The following PAPSS2 variants were observed in gnomAD, a reference collection of about 807,000 sequenced individuals.
PAPSS2 encodes the protein bifunctional 3'-phosphoadenosine 5'-phosphosulfate synthase 2.
Under a neutral mutation model 66.5 loss-of-function variants are expected in PAPSS2, and 61 were observed. The ratio of observed to expected loss-of-function variants is 0.92; its 90% CI spans 0.75 to 1.14. The LOEUF (loss-of-function observed/expected upper bound fraction) is 1.14. Ranked by LOEUF, PAPSS2 falls within the 50% of genes most tolerant of loss-of-function variation. PAPSS2 has a pLI of 0.00. For missense variants in PAPSS2, 708 were observed against 789.6 expected, an observed-to-expected ratio of 0.90 and a Z score of 1.24; for synonymous variants, 289 against 287.5, an observed-to-expected ratio of 1.01 and a Z score of -0.05.
intron 1 of PAPSS2, 150 bp from the exon 2 acceptor site, chr10:87,709,046 A>G: frequency 1.8e-6 from 1 of 554,616 alleles, no homozygotes; most frequent in East Asian, 3.2e-5. Flanking sequence ...TAGAATGGAC[A>G]AAGGTGAGTC....
intron 2 of PAPSS2, among the ~76,000 whole-genome samples, chr10:87,710,494 G>A (rs1853450475): frequency 6.6e-6 from 1 of 152,078 alleles, no homozygotes; most frequent in South Asian, 2.1e-4. Flanking sequence ...ATCCCCTCCT[G>A]TTATATGTTT....
In PAPSS2 at chr10:87,701,376, CTTTCTTTCTTTCTTTCTT is replaced by C. The variant is rs1564716801; in HGVS notation, c.28-7818_28-7801del. On this transcript the variant is annotated intron_variant, in intron 1 of 12. Coordinates refer to ENST00000456849, the MANE Select transcript of PAPSS2 (RefSeq NM_001015880.2). ...TCTTTCTTTCTTTCTTTCTTTCTTT[CTTTCTTTCTTTCTTTCTT>C]TCTCTTTCTTTCTCTCTCTCTCTCT... Among the ~76,000 whole-genome samples, 15 of 88,584 alleles carry C rather than the reference CTTTCTTTCTTTCTTTCTT, an allele frequency of 1.7e-4. 1 individual carries two copies. The highest frequency in any genetic ancestry group is 8.7e-4 in the Admixed American group (6 of 6,872). The allele number at this position is 88,584 out of a possible 152,430, so 58.1% of individuals were successfully genotyped here.
intron 1 of PAPSS2, among the ~76,000 whole-genome samples, chr10:87,689,667 C>CAAAAAAA (rs536306316): frequency 6.7e-5 from 5 of 74,626 alleles, no homozygotes; most frequent in Non-Finnish European, 1.2e-4. Flanking sequence ...AACCTTGTCT[C>CAAAAAAA]AAAAAAAAAA....
intron 2 of PAPSS2, among the ~76,000 whole-genome samples, chr10:87,711,460 T>A (rs1853461660): frequency 6.6e-6 from 1 of 152,238 alleles, no homozygotes. Flanking sequence ...GTTATTTCTC[T>A]CATTTTCTGA....
rs1853435911 is a variant in PAPSS2, at chr10:87,709,275, C to T, written c.107C>T (p.Thr36Ile). ...AATAAGAGAGGGCAAGTGGTTGGAA[C>T]AAGGGGTGGGTTCCGAGGATGTACC... ...SRNKRGQVVG[T>I]RGGFRGCTVW... The change falls in exon 2 of 13, where the codon ACA becomes ATA. Residue 36 changes from threonine (T) to isoleucine (I), a missense_variant. Thr to Ile is a moderately conservative substitution (Grantham distance 89). Transcript: ENST00000456849. 1 of 1,612,862 alleles carries T rather than the reference C, an allele frequency of 6.2e-7. No individual in the cohort carries two copies. Among genetic ancestry groups the T allele is most frequent in the East Asian group, 2.2e-5 (1 of 44,860 alleles).
chr10:87,689,032 G>A lies in PAPSS2; in HGVS notation c.28-20164G>A, dbSNP rs190948077. ...AAACAACATTATTCACAAAGTTAAG[G>A]AATAAAGAACCAGGGGTCAGGGCCG... On this transcript the variant is annotated intron_variant, in intron 1 of 12. Transcript: ENST00000456849. Among the ~76,000 whole-genome samples the A allele has an allele frequency of 3.1e-3, 469 of 152,136 alleles. 2 individuals are homozygous for A. The highest frequency in any genetic ancestry group is 4.8e-3 in the Admixed American group (74 of 15,280).
At chr10:87,725,884 TAC>T (rs60791274) in intron 8 of PAPSS2, among the ~76,000 whole-genome samples, 4,133 of 140,222 alleles carry the variant, frequency 0.029, 133 homozygotes, top group African/African-American at 0.088. Flanking sequence ...TATGTGTGTA[TAC>T]ACACACACAC....
At chr10:87,695,745 A>G (rs1394092521) in intron 1 of PAPSS2, among the ~76,000 whole-genome samples, 1 of 152,250 alleles carries the variant, frequency 6.6e-6, no homozygotes. Flanking sequence ...ATGATACATA[A>G]TTAGAGAGGA....
In PAPSS2 at chr10:87,683,042, C is replaced by CTTTCTT. The variant is rs968724424; in HGVS notation, c.27+23050_27+23055dup. Among the ~76,000 whole-genome samples, 5 of 151,316 alleles carry CTTTCTT rather than the reference C, an allele frequency of 3.3e-5. No individual in the cohort carries two copies. The East Asian group carries it at 5.8e-4, about 18-fold the overall frequency. On this transcript the variant is annotated intron_variant, in intron 1 of 12. Transcript: ENST00000456849. ...GAACCACTTGAGTTCACAACTATTT[C>CTTTCTT]TTTCTTTTTCTTTTTCTTTTTTTTC...
At chr10:87,696,461 T>C (rs1435433743) in intron 1 of PAPSS2, among the ~76,000 whole-genome samples, 1 of 152,242 alleles carries the variant, frequency 6.6e-6, no homozygotes, top group Non-Finnish European at 1.5e-5. Context: ...AAGAGAACAC[T>C]GCTAGGTCTC....
At chr10:87,735,959 G>A (rs984728822) in intron 9 of PAPSS2, among the ~76,000 whole-genome samples, 3 of 152,098 alleles carry the variant, frequency 2.0e-5, no homozygotes, top group East Asian at 1.9e-4. Context: ...CACTATCTTC[G>A]TGTCTTCCTA....
At position 87,727,145 on chromosome 10, in the gene PAPSS2, C is replaced by G. The variant is rs1853668859; in HGVS notation, c.881-139C>G. 1.3e-5 allele frequency: 10 copies of G among 741,490 alleles called. No homozygotes were observed. In the East Asian group the frequency reaches 2.4e-4, roughly 18 times the overall value. 45.9% of individuals were successfully genotyped at this position (741,490 alleles called of 1,614,324 possible). A position where few individuals can be genotyped will look rare whatever the true frequency, so the allele number is the denominator to read the frequency against. ...ATAGAATCTAGAGAAACTGGTGCAG[C>G]TAACACAACTACTTGGATTTGGGTC... is the stretch of plus-strand genomic sequence containing the variant. On this transcript the variant is annotated intron_variant, in intron 8 of 12. Transcript: ENST00000456849.
At chr10:87,715,167 C>G (rs1564721907) in intron 6 of PAPSS2, 69 bp downstream of exon 6, 25 of 833,926 alleles carry the variant, frequency 3.0e-5, no homozygotes, top group Non-Finnish European at 5.2e-5. Flanking sequence ...TACAATTACT[C>G]TTAACAATAA....
At chr10:87,743,265 G>T in intron 10 of PAPSS2, 108 bp from the exon 11 acceptor site, 1 of 1,178,580 alleles carries the variant, frequency 8.5e-7, no homozygotes, top group Non-Finnish European at 1.2e-6. Flanking sequence ...AAAAGCCAGT[G>T]GATAATGAAT....
At chr10:87,741,003 G>C (rs1026679238) in intron 9 of PAPSS2, among the ~76,000 whole-genome samples, 5 of 152,116 alleles carry the variant, frequency 3.3e-5, no homozygotes, top group African/African-American at 9.7e-5. Context: ...GAAAAGTAAT[G>C]ATAGCTATAA....
intron 6 of PAPSS2, 146 bp from the exon 7 acceptor site, chr10:87,715,586 G>A: frequency 1.4e-6 from 1 of 699,558 alleles, no homozygotes; most frequent in South Asian, 1.5e-5. Flanking sequence ...TTAGATCATG[G>A]GTTAGCATAA....
intron 1 of PAPSS2, among the ~76,000 whole-genome samples, chr10:87,666,628 A>T (rs573635584): frequency 4.7e-4 from 71 of 151,956 alleles, no homozygotes; most frequent in Non-Finnish European, 8.2e-4. Flanking sequence ...TGTTGGTCCA[A>T]TTTCAAGTGC....
At chr10:87,698,631 G>A (rs929021943) in intron 1 of PAPSS2, among the ~76,000 whole-genome samples, 1 of 152,150 alleles carries the variant, frequency 6.6e-6, no homozygotes, top group African/African-American at 2.4e-5. Flanking sequence ...GTGTTCCTGG[G>A]ATTGGATTTA....
At chr10:87,696,042 C>T (rs1853230699) in intron 1 of PAPSS2, among the ~76,000 whole-genome samples, 1 of 152,176 alleles carries the variant, frequency 6.6e-6, no homozygotes, top group Non-Finnish European at 1.5e-5. Context: ...ATGTGAAGAT[C>T]TGTGAGCATC....
Sources: gnomAD v4.1 joint callset for allele counts (sites outside exome capture counted in the v4.1 genomes callset) on GRCh38, gnomAD v4.1.1 for gene constraint, MANE v1.5 for transcripts, NCBI Gene and HGNC (gene_info 2026-07-23, HGNC 2026-07-21) for gene names.